The following RELL1 variants were observed in gnomAD, a reference collection of about 807,000 sequenced individuals.
RELL1 encodes RELT like 1.
Under a neutral mutation model 23.0 loss-of-function variants are expected in RELL1, and 10 were observed. That is an observed-to-expected ratio of 0.43 (90% CI 0.27 to 0.74). The LOEUF (loss-of-function observed/expected upper bound fraction) is 0.74, where lower values mean the gene tolerates loss of function less well. Among genes scored for constraint, RELL1 ranks in the 30% least tolerant of loss-of-function variants. The pLI, the probability that RELL1 is intolerant of heterozygous loss-of-function variation, is 0.19. For synonymous variants in RELL1, 146 were observed against 146.8 expected (o/e 0.99, Z 0.04); for missense variants, 315 against 364.4 (o/e 0.86, Z 1.10).
chr4:37,608,103 G>A (rs971185027), downstream of RELL1, among the ~76,000 whole-genome samples: 2 of 152,178 alleles, frequency 1.3e-5, no homozygotes, highest in South Asian at 2.1e-4. Context: ...TGCTGTGCAT[G>A]TGTGTTCCAA....
chr4:37,655,652 G>A (rs1721091739), intron 1 of RELL1, among the ~76,000 whole-genome samples: 1 of 152,330 alleles, frequency 6.6e-6, no homozygotes, highest in Non-Finnish European at 1.5e-5. Flanking sequence ...TACTTTGTGA[G>A]GCAGCTCTAG....
chr4:37,683,630 C>T (rs1352438486), intron 1 of RELL1, among the ~76,000 whole-genome samples: 2 of 151,894 alleles, frequency 1.3e-5, no homozygotes, highest in Non-Finnish European at 2.9e-5. Context: ...TGGTGGCGGG[C>T]GCCTATAATC....
intron 6 of RELL1, among the ~76,000 whole-genome samples, chr4:37,596,014 G>C (rs1718830893): frequency 6.6e-6 from 1 of 152,146 alleles, no homozygotes; most frequent in Admixed American, 6.6e-5. Context: ...TGCGCCCAGG[G>C]TTGACCCTTC....
At chr4:37,587,995 G>T (rs2109458972), downstream of RELL1, 1 of 152,226 alleles carries the variant, frequency 6.6e-6, no homozygotes, top group East Asian at 1.9e-4. Context: ...TAAAAATAAA[G>T]GCTGTAGATA....
chr4:37,680,032 C>A (rs1722150882), intron 1 of RELL1, among the ~76,000 whole-genome samples: 1 of 152,130 alleles, frequency 6.6e-6, no homozygotes, highest in Non-Finnish European at 1.5e-5. Context: ...ACAAGAAAAA[C>A]TTGTTTTCAG....
chr4:37,664,483 G>C (rs1417112379), intron 1 of RELL1, among the ~76,000 whole-genome samples: 1 of 152,056 alleles, frequency 6.6e-6, no homozygotes, highest in Non-Finnish European at 1.5e-5. Flanking sequence ...CTTATTCACA[G>C]ATGCATGTGT....
At chr4:37,616,428 C>T (rs1719577441) in intron 6 of RELL1, among the ~76,000 whole-genome samples, 1 of 152,250 alleles carries the variant, frequency 6.6e-6, no homozygotes, top group Non-Finnish European at 1.5e-5. Context: ...CGCTTCTCTG[C>T]TCCCCACCTG....
intron 1 of RELL1, among the ~76,000 whole-genome samples, chr4:37,680,642 G>A (rs1245351271): frequency 6.6e-6 from 1 of 152,148 alleles, no homozygotes; most frequent in Admixed American, 6.6e-5. Flanking sequence ...ACCTATGCGA[G>A]TTAAGAACGC....
chr4:37,588,273 G>A (rs928787226), downstream of RELL1: 2 of 152,470 alleles, frequency 1.3e-5, no homozygotes, highest in African/African-American at 4.8e-5. Context: ...CCAGCGGTAG[G>A]AAAAGCAACA....
intron 1 of RELL1, among the ~76,000 whole-genome samples, chr4:37,665,901 A>G (rs16993781): frequency 0.12 from 17,877 of 152,174 alleles, 1,975 homozygotes; most frequent in African/African-American, 0.29. Flanking sequence ...AGAATAGGAC[A>G]TAAACTAATC....
chr4:37,604,519 A>G (rs1460878639), intron 6 of RELL1, among the ~76,000 whole-genome samples: 1 of 152,038 alleles, frequency 6.6e-6, no homozygotes, highest in African/African-American at 2.4e-5. Flanking sequence ...ACGCGCACAC[A>G]CACACGCACA....
chr4:37,659,831 C>G (rs144328328), intron 1 of RELL1, among the ~76,000 whole-genome samples: 1 of 152,098 alleles, frequency 6.6e-6, no homozygotes, highest in African/African-American at 2.4e-5. Context: ...CAACCACAGA[C>G]TACAGACAAG....
At chr4:37,604,798 G>A (rs181778758) in intron 6 of RELL1, among the ~76,000 whole-genome samples, 1 of 116,354 alleles carries the variant, frequency 8.6e-6, no homozygotes, top group African/African-American at 3.4e-5. Context: ...CACACACACA[G>A]ACACACACAC....
rs1264926651 is a variant in RELL1, at chr4:37,647,393, G to T, written c.360C>A (p.Ile120=). 3.7e-6 allele frequency: 6 copies of T among 1,612,808 alleles called. No homozygotes were observed. Among genetic ancestry groups the T allele is most frequent in the South Asian group, 2.2e-5 (2 of 91,006 alleles). ...VNENSDTVGQ[I]VHYIMKNEAN... ...CTTCATTTTTCATGATGTAGTGGACGATTTGCCCAACAGTGTCACTGTTTT... is the reference window on the plus strand; with the variant it reads ...CTTCATTTTTCATGATGTAGTGGACTATTTGCCCAACAGTGTCACTGTTTT... Residue 120 remains isoleucine (I), a synonymous_variant, in exon 3 of 7, where the codon ATC becomes ATA. Coordinates refer to ENST00000454158, the MANE Select transcript of RELL1 (RefSeq NM_001085400.2).
intron 1 of RELL1, among the ~76,000 whole-genome samples, chr4:37,664,066 ATTAATT>A (rs1721446982): frequency 6.6e-6 from 1 of 152,190 alleles, no homozygotes; most frequent in Admixed American, 6.5e-5. Flanking sequence ...ATTTCCCAAT[ATTAATT>A]TTAACTGCAA....
intron 1 of RELL1, chr4:37,665,290 C>T: frequency 2.2e-6 from 1 of 456,306 alleles, no homozygotes; most frequent in Non-Finnish European, 4.4e-6. Context: ...CCCACTGCTT[C>T]ACCCCCTTGT....
At chr4:37,595,970 G>A (rs185454740) in intron 6 of RELL1, among the ~76,000 whole-genome samples, 13 of 152,266 alleles carry the variant, frequency 8.5e-5, no homozygotes, top group African/African-American at 2.2e-4. Flanking sequence ...AGATCTCACC[G>A]TTCTCTTGGC....
intron 1 of RELL1, among the ~76,000 whole-genome samples, chr4:37,657,140 C>T (rs1721144331): frequency 6.6e-6 from 1 of 151,930 alleles, no homozygotes; most frequent in Non-Finnish European, 1.5e-5. Flanking sequence ...TCTGTAGTTT[C>T]CTGAAGTAAA....
chr4:37,609,945 C>T (rs1185808519), downstream of RELL1, among the ~76,000 whole-genome samples: 1 of 152,188 alleles, frequency 6.6e-6, no homozygotes, highest in Non-Finnish European at 1.5e-5. Context: ...TATAATAATA[C>T]ATAAACTTAG....
Sources: gnomAD v4.1 joint callset for allele counts (sites outside exome capture counted in the v4.1 genomes callset) on GRCh38, gnomAD v4.1.1 for gene constraint, MANE v1.5 for transcripts, NCBI Gene and HGNC (gene_info 2026-07-23, HGNC 2026-07-21) for gene names.